Variants in ST6GALNAC3 observed in about 807,000 individuals in gnomAD.
ST6GALNAC3 encodes alpha-N-acetylgalactosaminide alpha-2,6-sialyltransferase 3.
Under a neutral mutation model 32.7 loss-of-function variants are expected in ST6GALNAC3, and 25 were observed. The ratio of observed to expected loss-of-function variants is 0.76; its 90% CI spans 0.56 to 1.07. The LOEUF is 1.07. Ranked by LOEUF, ST6GALNAC3 falls within the 50% of genes least tolerant of loss-of-function variation. ST6GALNAC3 has a pLI of 0.00. For synonymous variants in ST6GALNAC3, 129 were observed against 133.1 expected, an observed-to-expected ratio of 0.97 and a Z score of 0.21; for missense variants, 355 against 382.4, an observed-to-expected ratio of 0.93 and a Z score of 0.60.
chr1:76,105,747 T>C (rs1223638048), intron 1 of ST6GALNAC3, among the ~76,000 whole-genome samples: 2 of 152,334 alleles, frequency 1.3e-5, no homozygotes, highest in South Asian at 2.1e-4. Flanking sequence ...GCAAAGCCTT[T>C]GACCACTCGA....
chr1:76,430,731 A>G (rs1346043853), intron 3 of ST6GALNAC3, among the ~76,000 whole-genome samples: 2 of 152,088 alleles, frequency 1.3e-5, no homozygotes, highest in African/African-American at 4.8e-5. Flanking sequence ...TGGGATTGGC[A>G]ATATTGGAAG....
intron 3 of ST6GALNAC3, among the ~76,000 whole-genome samples, chr1:76,432,571 T>C (rs1467844342): frequency 6.7e-6 from 1 of 148,220 alleles, no homozygotes; most frequent in African/African-American, 2.5e-5. Context: ...CCTCCCTCCG[T>C]AGCCATCCAA....
chr1:76,319,297 G>A (rs929537340), intron 2 of ST6GALNAC3, among the ~76,000 whole-genome samples: 3 of 152,128 alleles, frequency 2.0e-5, no homozygotes, highest in Non-Finnish European at 4.4e-5. Flanking sequence ...GCTGCATACT[G>A]ACTTACTCGA....
chr1:76,508,325 C>T (rs1227406362), intron 3 of ST6GALNAC3, among the ~76,000 whole-genome samples: 3 of 152,140 alleles, frequency 2.0e-5, no homozygotes, highest in Non-Finnish European at 2.9e-5. Context: ...GCTTGCCCAC[C>T]GCTCACCTAC....
At chr1:76,316,676 C>T (rs1646873095) in intron 2 of ST6GALNAC3, among the ~76,000 whole-genome samples, 1 of 152,002 alleles carries the variant, frequency 6.6e-6, no homozygotes. Flanking sequence ...GAATGGGTTT[C>T]TGGGGATTTA....
intron 3 of ST6GALNAC3, among the ~76,000 whole-genome samples, chr1:76,554,948 A>G (rs1664833786): frequency 6.6e-6 from 1 of 152,228 alleles, no homozygotes; most frequent in Non-Finnish European, 1.5e-5. Flanking sequence ...TAATAGTTAG[A>G]AACTGAGGTT....
intron 1 of ST6GALNAC3, among the ~76,000 whole-genome samples, chr1:76,176,233 C>T (rs1404182586): frequency 6.6e-6 from 1 of 152,312 alleles, no homozygotes; most frequent in East Asian, 1.9e-4. Flanking sequence ...AGATTGCCCA[C>T]GCCCTCTTGC....
chr1:76,419,045 G>GCA (rs147952829), intron 3 of ST6GALNAC3, among the ~76,000 whole-genome samples: 3,061 of 148,892 alleles, frequency 0.021, 45 homozygotes, highest in East Asian at 0.037. Context: ...ACCCTCATGT[G>GCA]CACACACACA....
chr1:76,626,345 A>G, intron 3 of ST6GALNAC3, among the ~76,000 whole-genome samples: 1 of 151,904 alleles, frequency 6.6e-6, no homozygotes, highest in East Asian at 1.9e-4. Context: ...GCTATCAAAC[A>G]AATTGGGGTG....
chr1:76,331,143 CAATG>C (rs1169296440), intron 2 of ST6GALNAC3, among the ~76,000 whole-genome samples: 2 of 152,080 alleles, frequency 1.3e-5, no homozygotes, highest in Non-Finnish European at 2.9e-5. Flanking sequence ...GTGAGATGGC[CAATG>C]AATGTTTAGT....
intron 3 of ST6GALNAC3, among the ~76,000 whole-genome samples, chr1:76,524,079 G>A (rs1204415370): frequency 6.6e-6 from 1 of 151,768 alleles, no homozygotes; most frequent in East Asian, 1.9e-4. Flanking sequence ...GATGATTTTT[G>A]TGTTTGTTTT....
At chr1:76,628,099 G>A (rs997889744) in intron 4 of ST6GALNAC3, among the ~76,000 whole-genome samples, 2 of 151,914 alleles carry the variant, frequency 1.3e-5, no homozygotes, top group African/African-American at 4.8e-5. Context: ...TTTCTAATTA[G>A]ATAATGAAAC....
At chr1:76,247,226 A>T (rs941171738) in intron 1 of ST6GALNAC3, among the ~76,000 whole-genome samples, 11 of 152,096 alleles carry the variant, frequency 7.2e-5, no homozygotes, top group Non-Finnish European at 1.5e-4. Context: ...CTCCTGTATG[A>T]GGTTTCTATC....
At chr1:76,206,873 T>A (rs1654854900) in intron 1 of ST6GALNAC3, among the ~76,000 whole-genome samples, 2 of 152,200 alleles carry the variant, frequency 1.3e-5, no homozygotes, top group South Asian at 4.1e-4. Context: ...TTTAAGCTGT[T>A]TTCTTTGTAC....
chr1:76,237,285 C>T (rs1040103102), intron 1 of ST6GALNAC3, among the ~76,000 whole-genome samples: 1 of 152,292 alleles, frequency 6.6e-6, no homozygotes, highest in African/African-American at 2.4e-5. Context: ...AGATGCCCGC[C>T]ACCACGCCGG....
chr1:76,193,156 G>A (rs1477222502), intron 1 of ST6GALNAC3, among the ~76,000 whole-genome samples: 1 of 152,160 alleles, frequency 6.6e-6, no homozygotes, highest in African/African-American at 2.4e-5. Flanking sequence ...TCTACCCTGT[G>A]TAGGGTCCAC....
chr1:76,123,749 A>ATTTTTTT (rs767734132), intron 1 of ST6GALNAC3, among the ~76,000 whole-genome samples: 9 of 94,292 alleles, frequency 9.5e-5, no homozygotes, highest in African/African-American at 1.7e-4. Flanking sequence ...ACTCATTTTA[A>ATTTTTTT]TTTTTTTTTT....
chr1:76,568,003 A>G (rs768910488), intron 3 of ST6GALNAC3, among the ~76,000 whole-genome samples: 7 of 152,206 alleles, frequency 4.6e-5, no homozygotes, highest in Non-Finnish European at 1.0e-4. Flanking sequence ...ATGACATGAG[A>G]GAAGAGGCTT....
At chr1:76,344,408 T>C (rs1648319753) in intron 2 of ST6GALNAC3, among the ~76,000 whole-genome samples, 1 of 152,182 alleles carries the variant, frequency 6.6e-6, no homozygotes, top group African/African-American at 2.4e-5. Flanking sequence ...TTTCATATTC[T>C]TTTTCCCTGC....
Sources: gnomAD v4.1 joint callset for allele counts (sites outside exome capture counted in the v4.1 genomes callset) on GRCh38, gnomAD v4.1.1 for gene constraint, MANE v1.5 for transcripts, NCBI Gene and HGNC (gene_info 2026-07-23, HGNC 2026-07-21) for gene names.